Variants in ATG10 observed in about 807,000 individuals in gnomAD.
ATG10 encodes ubiquitin-like-conjugating enzyme ATG10.
Under a neutral mutation model 32.1 loss-of-function variants are expected in ATG10, and 30 were observed. The ratio of observed to expected loss-of-function variants is 0.94; its 90% CI spans 0.70 to 1.27. The LOEUF (loss-of-function observed/expected upper bound fraction) is 1.27, where lower values mean the gene tolerates loss of function less well. Among genes scored for constraint, ATG10 ranks in the 50% most tolerant of loss-of-function variants. The probability of loss-of-function intolerance (pLI) is 0.00; values close to 1 mark genes in which losing one functional copy is unlikely to be tolerated. For missense variants in ATG10, 233 were observed against 262.3 expected, an observed-to-expected ratio of 0.89 and a Z score of 0.77; for synonymous variants, 87 against 91.5, an observed-to-expected ratio of 0.95 and a Z score of 0.28.
rs549792571 is a variant in ATG10 at position 82,222,904 on chromosome 5, C to G, written c.454-29658C>G. Among the ~76,000 whole-genome samples, 13 of 152,156 alleles carry G rather than the reference C, an allele frequency of 8.5e-5. 1 individual carries two copies. Among genetic ancestry groups the G allele is most frequent in the Non-Finnish European group, 2.9e-5 (2 of 68,030 alleles). On this transcript the variant is annotated intron_variant, in intron 5 of 7. Transcript: ENST00000282185. ...ACTTAAGAAGTGTAGTCACACTACCCGTGATATAGTCCTAAGAATAGTGTT... is the reference window on the plus strand; with the variant it reads ...ACTTAAGAAGTGTAGTCACACTACCGGTGATATAGTCCTAAGAATAGTGTT...
chr5:82,005,160 A>G (rs904014217), intron 2 of ATG10, among the ~76,000 whole-genome samples: 7 of 152,208 alleles, frequency 4.6e-5, no homozygotes, highest in Non-Finnish European at 8.8e-5. Context: ...AATGTGTTGA[A>G]TATGGATGAT....
chr5:81,989,289 G>A (rs1002347921), intron 2 of ATG10, among the ~76,000 whole-genome samples: 4 of 152,220 alleles, frequency 2.6e-5, no homozygotes, highest in African/African-American at 9.6e-5. Context: ...AACAGTTTGG[G>A]TTGGATTTCC....
intron 3 of ATG10, among the ~76,000 whole-genome samples, chr5:82,060,560 C>T (rs1030206346): frequency 3.9e-5 from 6 of 152,044 alleles, no homozygotes; most frequent in East Asian, 1.9e-4. Flanking sequence ...TGTTTAATTA[C>T]GCAGGTTAAA....
At chr5:82,169,276 G>A (rs985526013) in intron 4 of ATG10, among the ~76,000 whole-genome samples, 3 of 149,902 alleles carry the variant, frequency 2.0e-5, no homozygotes, top group African/African-American at 4.9e-5. Context: ...TTGTGCCTGA[G>A]TAAAACAGAA....
chr5:81,993,942 G>A (rs1761582900), intron 2 of ATG10, among the ~76,000 whole-genome samples: 1 of 152,160 alleles, frequency 6.6e-6, no homozygotes, highest in African/African-American at 2.4e-5. Context: ...GCCAAAGAAG[G>A]AGAATTCTCT....
intron 3 of ATG10, among the ~76,000 whole-genome samples, chr5:82,144,393 T>TTC (rs1767265412): frequency 6.6e-6 from 1 of 151,962 alleles, no homozygotes; most frequent in Non-Finnish European, 1.5e-5. Flanking sequence ...CTTTTTAAGG[T>TTC]TGAAAGTTAA....
chr5:82,192,416 G>C (rs1355933593), intron 5 of ATG10, among the ~76,000 whole-genome samples: 1 of 152,138 alleles, frequency 6.6e-6, no homozygotes. Flanking sequence ...ACTGAACATT[G>C]ACTGATACCA....
intron 3 of ATG10, among the ~76,000 whole-genome samples, chr5:82,119,252 G>T (rs7727483): frequency 6.6e-6 from 1 of 151,884 alleles, no homozygotes. Context: ...TTTTTCTACA[G>T]ATTTTTGTGG....
At chr5:82,039,760 A>G (rs974787610) in intron 2 of ATG10, among the ~76,000 whole-genome samples, 1 of 152,240 alleles carries the variant, frequency 6.6e-6, no homozygotes, top group Non-Finnish European at 1.5e-5. Context: ...TTGCTTTGTA[A>G]CAAACTATCC....
intron 3 of ATG10, among the ~76,000 whole-genome samples, chr5:82,141,820 A>C (rs1767160425): frequency 6.6e-6 from 1 of 151,358 alleles, no homozygotes; most frequent in Non-Finnish European, 1.5e-5. Context: ...ACACACATAC[A>C]CACACACACC....
At chr5:82,203,302 G>A (rs1046211943) in intron 5 of ATG10, among the ~76,000 whole-genome samples, 1 of 151,962 alleles carries the variant, frequency 6.6e-6, no homozygotes, top group African/African-American at 2.4e-5. Flanking sequence ...TTCTTCCAGT[G>A]TTTGGTTGTT....
chr5:82,214,556 A>C (rs1745604948), intron 5 of ATG10, among the ~76,000 whole-genome samples: 2 of 152,246 alleles, frequency 1.3e-5, no homozygotes, highest in Non-Finnish European at 2.9e-5. Flanking sequence ...ATTTTTATTC[A>C]AATCTCATTC....
At chr5:82,186,728 G>A (rs1027075561) in intron 5 of ATG10, among the ~76,000 whole-genome samples, 2 of 151,566 alleles carry the variant, frequency 1.3e-5, no homozygotes, top group African/African-American at 2.4e-5. Context: ...AAGTAGCTGC[G>A]ATTATAGTCA....
intron 3 of ATG10, among the ~76,000 whole-genome samples, chr5:82,071,903 G>A (rs1239216610): frequency 6.6e-6 from 1 of 152,148 alleles, no homozygotes; most frequent in East Asian, 1.9e-4. Context: ...AAATCAGAGA[G>A]ATAGAACAAG....
intron 3 of ATG10, among the ~76,000 whole-genome samples, chr5:82,094,591 G>A (rs1340250375): frequency 1.3e-5 from 2 of 152,062 alleles, no homozygotes; most frequent in African/African-American, 4.8e-5. Context: ...ACGCTCATAA[G>A]TTTTAAAAAG....
At chr5:82,189,259 A>G (rs1744568470) in intron 5 of ATG10, among the ~76,000 whole-genome samples, 1 of 152,248 alleles carries the variant, frequency 6.6e-6, no homozygotes, top group African/African-American at 2.4e-5. Context: ...AACATAAACT[A>G]AGGAAAGATT....
At chr5:82,253,245 A>G (rs1747332659) in intron 6 of ATG10, 69 bp from the exon 7 acceptor site, 3 of 1,018,280 alleles carry the variant, frequency 2.9e-6, no homozygotes, top group Admixed American at 3.5e-5. Flanking sequence ...TGACCAACTG[A>G]TGTTCTACCA....
chr5:82,201,710 G>C (rs1745075676), intron 5 of ATG10, among the ~76,000 whole-genome samples: 1 of 152,278 alleles, frequency 6.6e-6, no homozygotes, highest in South Asian at 2.1e-4. Context: ...GATTGTGTTG[G>C]ATCTGTGGGT....
chr5:82,080,749 T>A (rs1764450501), intron 3 of ATG10, among the ~76,000 whole-genome samples: 1 of 152,230 alleles, frequency 6.6e-6, no homozygotes, highest in South Asian at 2.1e-4. Context: ...AGTACCATGC[T>A]GTTTTGGTTA....
Sources: allele counts gnomAD v4.1 joint callset (sites outside exome capture counted in the v4.1 genomes callset), GRCh38; gene constraint gnomAD v4.1.1; transcripts MANE v1.5; gene names NCBI Gene and HGNC (gene_info 2026-07-23, HGNC 2026-07-21).